The following CROCC variants were observed in gnomAD, a reference collection of about 807,000 sequenced individuals.
CROCC encodes the protein rootletin.
Under a neutral mutation model 245.2 loss-of-function variants are expected in CROCC, and 180 were observed. That is an observed-to-expected ratio of 0.73 (90% CI 0.65 to 0.83). The LOEUF (loss-of-function observed/expected upper bound fraction) is 0.83. Among genes scored for constraint, CROCC ranks in the 40% least tolerant of loss-of-function variants. The probability of loss-of-function intolerance (pLI) is 0.00; values close to 1 mark genes in which losing one functional copy is unlikely to be tolerated. For missense variants in CROCC, 2,688 were observed against 2,779.4 expected, an observed-to-expected ratio of 0.97 and a Z score of 0.74; for synonymous variants, 1,205 against 1,241.6, an observed-to-expected ratio of 0.97 and a Z score of 0.62.
chr1:16,921,902 A>C, upstream of CROCC: 1 of 1,136,540 alleles, frequency 8.8e-7, no homozygotes, highest in Non-Finnish European at 1.3e-6. Flanking sequence ...GCGCCGCCGG[A>C]TTTAAGCTTA....
intron 7 of CROCC, 138 bp downstream of exon 7, chr1:16,930,732 A>T (rs1384381741): frequency 9.6e-7 from 1 of 1,038,510 alleles, no homozygotes; most frequent in African/African-American, 1.6e-5. Flanking sequence ...AGCCGTCATC[A>T]CAATAGCTGG....
chr1:16,970,033 T>C, intron 33 of CROCC, 99 bp downstream of exon 33: 3 of 1,424,876 alleles, frequency 2.1e-6, no homozygotes, highest in South Asian at 1.4e-5. Context: ...CAAACCCTGG[T>C]GCAGCCTCCA....
chr1:16,921,943 C>T lies in CROCC; in HGVS notation c.-76C>T. 7.1e-7 allele frequency: 1 copy of T among 1,412,078 alleles called. No individual in the cohort carries two copies. Among genetic ancestry groups the T allele is most frequent in the Non-Finnish European group, 9.8e-7 (1 of 1,020,260 alleles). 87.5% of individuals were successfully genotyped at this position (1,412,078 alleles called of 1,614,324 possible). On this transcript the variant is annotated 5_prime_UTR_variant, in exon 1 of 37. Coordinates refer to ENST00000375541, the MANE Select transcript of CROCC (RefSeq NM_014675.5). ...CCTGGTGCTCAGCACAGCATCCTGG[C>T]TGTGGCGCGTGCTGACTGAGCTAGT...
At chr1:16,934,485 T>C (rs1218926754) in intron 8 of CROCC, among the ~76,000 whole-genome samples, 1 of 152,224 alleles carries the variant, frequency 6.6e-6, no homozygotes, top group Non-Finnish European at 1.5e-5. Context: ...TGTTTGTTTT[T>C]AGAGACAGGG....
At position 16,954,361 on chromosome 1, in the gene CROCC, G is replaced by A. The variant is rs777159518; in HGVS notation, c.3321+4G>A. 3.1e-6 allele frequency: 5 copies of A among 1,607,324 alleles called. No individual in the cohort carries two copies. The East Asian group carries it at 6.7e-5, about 22-fold the overall frequency. On this transcript the variant is annotated splice_donor_region_variant and intron_variant, in intron 22 of 36. Transcript: ENST00000375541. The surrounding 1 kb of genome is among the most constrained non-coding windows in gnomAD (Gnocchi z 4.4). Reference sequence around the variant, plus strand: ...GAGCCGGCAGGAGCAGGACCGGGTAGGGCAGGCTGGGCAGCTGGGCCTCTG... The same window carrying A: ...GAGCCGGCAGGAGCAGGACCGGGTAAGGCAGGCTGGGCAGCTGGGCCTCTG...
chr1:16,923,224 T>C (rs1234366184), intron 2 of CROCC, among the ~76,000 whole-genome samples: 1 of 152,196 alleles, frequency 6.6e-6, no homozygotes, highest in Non-Finnish European at 1.5e-5. Flanking sequence ...TGGTCCCTGC[T>C]CCTCTCAGTG....
At chr1:16,922,825 C>A (rs779224806) in intron 2 of CROCC, 27 bp downstream of exon 2, 1 of 1,603,302 alleles carries the variant, frequency 6.2e-7, no homozygotes, top group Admixed American at 1.7e-5. Context: ...CTCCCCTCCA[C>A]AAACACCACC....
intron 25 of CROCC, among the ~76,000 whole-genome samples, chr1:16,958,213 C>T (rs935446710): frequency 1.3e-5 from 2 of 152,168 alleles, no homozygotes; most frequent in African/African-American, 4.8e-5. Flanking sequence ...GTGCTTAGAA[C>T]AGGACTGGAC....
At chr1:16,928,597 T>A (rs2075590182) in intron 3 of CROCC, among the ~76,000 whole-genome samples, 1 of 151,564 alleles carries the variant, frequency 6.6e-6, no homozygotes, top group Admixed American at 6.6e-5. Flanking sequence ...AGGTCAGGAG[T>A]TCGAGACCAG....
At chr1:16,969,590 G>A (rs1039499887) in intron 32 of CROCC, among the ~76,000 whole-genome samples, 195 bp from the exon 33 acceptor site, 1 of 152,198 alleles carries the variant, frequency 6.6e-6, no homozygotes, top group Non-Finnish European at 1.5e-5. Context: ...GGTTTATTGG[G>A]GAGAGTTGGG....
chr1:16,932,907 G>A (rs573993870), intron 8 of CROCC, among the ~76,000 whole-genome samples: 164 of 152,348 alleles, frequency 1.1e-3, no homozygotes, highest in African/African-American at 3.7e-3. Flanking sequence ...CAGCCTCCTC[G>A]TCTCAAGCAA....
chr1:16,941,460 G>A (rs1386897263), intron 13 of CROCC: 1 of 152,418 alleles, frequency 6.6e-6, no homozygotes, highest in Non-Finnish European at 1.5e-5. Flanking sequence ...TGGGCCCGGT[G>A]GCTCACACCT....
chr1:16,933,277 C>T (rs28604341), intron 8 of CROCC, among the ~76,000 whole-genome samples: 24 of 152,246 alleles, frequency 1.6e-4, no homozygotes, highest in Non-Finnish European at 1.5e-4. Flanking sequence ...ACCAGCCTGG[C>T]CAACATGGTG....
At position 16,953,406 on chromosome 1, in the gene CROCC, G is replaced by A. The variant is rs556693135; in HGVS notation, c.3111G>A (p.Glu1037=). 2 of 1,610,916 alleles carry A rather than the reference G, an allele frequency of 1.2e-6. No individual in the cohort carries two copies. Among genetic ancestry groups the A allele is most frequent in the South Asian group, 1.1e-5 (1 of 90,980 alleles). The change falls in exon 21 of 37, where the codon GAG becomes GAA. Residue 1037 remains glutamate, a synonymous_variant. Coordinates refer to ENST00000375541, the MANE Select transcript of CROCC (RefSeq NM_014675.5). The part of the protein sequence containing the change: ...LLARLEAEKE[E]LSEEIAALQQ... ...CCCGGCTGGAGGCTGAGAAGGAAGAGCTGAGTGAGGAGATTGCTGCCCTGC... is the reference window on the plus strand; with the variant it reads ...CCCGGCTGGAGGCTGAGAAGGAAGAACTGAGTGAGGAGATTGCTGCCCTGC...
At chr1:16,922,114 C>G in intron 1 of CROCC, 36 bp downstream of exon 1, 4 of 1,508,610 alleles carry the variant, frequency 2.7e-6, no homozygotes, top group African/African-American at 1.4e-5. Flanking sequence ...CTGTCTGGGG[C>G]GGGGCAGCGT....
At chr1:16,943,484 G>A (rs1467118124) in intron 13 of CROCC, among the ~76,000 whole-genome samples, 2 of 152,036 alleles carry the variant, frequency 1.3e-5, no homozygotes, top group Non-Finnish European at 2.9e-5. Flanking sequence ...CTTGCAGTGA[G>A]TGGAGATTGC....
In CROCC at chr1:16,966,564, C is replaced by A; in HGVS notation, c.4853C>A (p.Ala1618Asp). The A allele has an allele frequency of 6.8e-7, 1 of 1,480,118 alleles. No homozygotes were observed. Among genetic ancestry groups the A allele is most frequent in the Non-Finnish European group, 8.9e-7 (1 of 1,117,778 alleles). The allele number at this position is 1,480,118 out of a possible 1,614,324, so 91.7% of individuals were successfully genotyped here. Residue 1618 changes from alanine to aspartate, a missense_variant, in exon 30 of 37, where the codon GCC becomes GAC. Coordinates refer to ENST00000375541, the MANE Select transcript of CROCC (RefSeq NM_014675.5). This position sits in a 1 kb window ranked among gnomAD's most constrained non-coding sequence, Gnocchi z 4.8. ...SLQATESELR[A>D]SQEKISKMKA... ...CAGGCCACCGAGAGCGAGCTCCGGGCCAGCCAGGTGGGCAGGAGCTGAGGG... is the reference window on the plus strand; with the variant it reads ...CAGGCCACCGAGAGCGAGCTCCGGGACAGCCAGGTGGGCAGGAGCTGAGGG...
Position 16,929,028 on chromosome 1 carries a change from C to T in CROCC, c.352-818C>T, listed in dbSNP as rs4992833. Among the ~76,000 whole-genome samples the T allele has an allele frequency of 6.5e-3, 984 of 152,074 alleles. 4 individuals are homozygous for T. Among genetic ancestry groups the T allele is most frequent in the African/African-American group, 0.023 (937 of 41,404 alleles). ...TTTTAGTAGAGACGGGGTTTCATCACGTTAGCCAGGCTGGTCTTGAACCCC... is the reference window on the plus strand; with the variant it reads ...TTTTAGTAGAGACGGGGTTTCATCATGTTAGCCAGGCTGGTCTTGAACCCC... On this transcript the variant is annotated intron_variant, in intron 3 of 36. Coordinates refer to ENST00000375541, the MANE Select transcript of CROCC (RefSeq NM_014675.5).
At chr1:16,922,183 TGTG>T (rs1443037781) in intron 1 of CROCC, 105 bp downstream of exon 1, 71 of 1,193,594 alleles carry the variant, frequency 5.9e-5, no homozygotes, top group Middle Eastern at 3.9e-4. Flanking sequence ...GTGGGAGAGG[TGTG>T]GTGGTGGTGG....
Sources: gnomAD v4.1 joint callset for allele counts (sites outside exome capture counted in the v4.1 genomes callset) on GRCh38, gnomAD v4.1.1 for gene constraint, Gnocchi (gnomAD v3.1) non-coding constraint, MANE v1.5 for transcripts, NCBI Gene and HGNC (gene_info 2026-07-23, HGNC 2026-07-21) for gene names.